Variants in CDH13 observed in about 807,000 individuals in gnomAD.
The protein encoded by CDH13 is cadherin 13.
Under a neutral mutation model 63.8 loss-of-function variants are expected in CDH13, and 24 were observed. The observed-to-expected ratio is 0.38, with a 90% CI of 0.27 to 0.53. The LOEUF (loss-of-function observed/expected upper bound fraction) is 0.53. Ranked by LOEUF, CDH13 falls within the 20% of genes least tolerant of loss-of-function variation. The pLI is 0.85. For synonymous variants in CDH13, 503 were observed against 355.3 expected, an observed-to-expected ratio of 1.42 and a Z score of -4.67; for missense variants, 1,049 against 903.1, an observed-to-expected ratio of 1.16 and a Z score of -2.07.
intron 4 of CDH13, among the ~76,000 whole-genome samples, chr16:83,202,768 T>C (rs1035503990): frequency 1.3e-5 from 2 of 152,218 alleles, no homozygotes; most frequent in Non-Finnish European, 2.9e-5. Flanking sequence ...AGGTTCATAA[T>C]GCTGATTTTA....
At chr16:83,414,626 A>G (rs572747103) in intron 6 of CDH13, among the ~76,000 whole-genome samples, 28 of 152,222 alleles carry the variant, frequency 1.8e-4, no homozygotes, top group Non-Finnish European at 4.1e-4. Context: ...GGTTTGGGTT[A>G]TATGACTATT....
At chr16:83,203,901 A>AAACCCTTC (rs2039106461) in intron 4 of CDH13, among the ~76,000 whole-genome samples, 1 of 152,052 alleles carries the variant, frequency 6.6e-6, no homozygotes, top group Non-Finnish European at 1.5e-5. Context: ...GAATGCACAC[A>AAACCCTTC]AAACCCTTCA....
chr16:82,716,624 C>A (rs1268891698), intron 1 of CDH13, among the ~76,000 whole-genome samples: 1 of 148,750 alleles, frequency 6.7e-6, no homozygotes, highest in Non-Finnish European at 1.5e-5. Context: ...TAAGCAGACA[C>A]CCAGCTGGCA....
intron 2 of CDH13, among the ~76,000 whole-genome samples, chr16:82,926,979 ATC>A (rs2042323825): frequency 1.3e-5 from 2 of 151,834 alleles, no homozygotes; most frequent in African/African-American, 2.4e-5. Flanking sequence ...GGGACTATTC[ATC>A]TCTGTTTTTC....
chr16:83,150,898 C>G (rs1343862417), intron 4 of CDH13, among the ~76,000 whole-genome samples: 2 of 152,156 alleles, frequency 1.3e-5, no homozygotes, highest in African/African-American at 2.4e-5. Flanking sequence ...CATTGTAGCA[C>G]TTAGATGTGT....
intron 10 of CDH13, among the ~76,000 whole-genome samples, chr16:83,718,083 A>G (rs555901929): frequency 3.5e-4 from 54 of 152,348 alleles, no homozygotes; most frequent in Non-Finnish European, 4.9e-4. Context: ...GCAGATGCTG[A>G]GACAAGGGTT....
chr16:83,544,249 A>G (rs549934138), intron 7 of CDH13, among the ~76,000 whole-genome samples: 1 of 152,246 alleles, frequency 6.6e-6, no homozygotes, highest in African/African-American at 2.4e-5. Flanking sequence ...TGGAGTGTTA[A>G]AGTCCTAAAT....
At chr16:83,756,733 A>G (rs1913539429) in intron 11 of CDH13, among the ~76,000 whole-genome samples, 1 of 152,228 alleles carries the variant, frequency 6.6e-6, no homozygotes, top group African/African-American at 2.4e-5. Flanking sequence ...AGGTATCAAA[A>G]AGAAGGACAT....
chr16:83,406,400 C>T (rs951852618), intron 6 of CDH13, among the ~76,000 whole-genome samples: 2 of 151,492 alleles, frequency 1.3e-5, no homozygotes, highest in Non-Finnish European at 2.9e-5. Flanking sequence ...TAGAATGGAA[C>T]CCCAGCTCTC....
chr16:83,389,450 A>G (rs1025422791), intron 6 of CDH13, among the ~76,000 whole-genome samples: 3 of 152,168 alleles, frequency 2.0e-5, no homozygotes, highest in Admixed American at 6.5e-5. Flanking sequence ...TTTACAGTGA[A>G]TTGTTCTGTC....
chr16:82,990,143 C>T (rs942228007), intron 2 of CDH13: 31 of 152,284 alleles, frequency 2.0e-4, no homozygotes, highest in African/African-American at 7.0e-4. Context: ...TGTGTTCCAA[C>T]CCCAATCTGT....
At position 83,074,744 on chromosome 16, in the gene CDH13, G is replaced by T. The variant is rs568417197; in HGVS notation, c.366+42526G>T. 2.1e-4 allele frequency among the ~76,000 whole-genome samples: 32 copies of T among 152,268 alleles called. No homozygotes were observed. The South Asian group carries it at 5.8e-3, about 28-fold the overall frequency. ...CCATCGTCTCACACAGTCCTCACTG[G>T]TGCTATTACCAGCTCCATTTGCAGA... On this transcript the variant is annotated intron_variant, in intron 3 of 13. Coordinates refer to ENST00000567109, the MANE Select transcript of CDH13 (RefSeq NM_001257.5).
At chr16:83,033,051 T>C (rs767132078) in intron 3 of CDH13, among the ~76,000 whole-genome samples, 2 of 152,220 alleles carry the variant, frequency 1.3e-5, no homozygotes, top group Non-Finnish European at 2.9e-5. Context: ...TGTACATGTA[T>C]GTGTATACCA....
Position 83,486,603 on chromosome 16 carries a change from C to A in CDH13, c.908C>A (p.Pro303His). 1 of 1,613,916 alleles carries A rather than the reference C, an allele frequency of 6.2e-7. No individual in the cohort carries two copies. The highest frequency in any genetic ancestry group is 8.5e-7 in the Non-Finnish European group (1 of 1,179,834). ...TCTCCCAACATGTTCTACATCGATCCTGAGAAAGGAGACATTGTCACTGTT... is the reference window on the plus strand; with the variant it reads ...TCTCCCAACATGTTCTACATCGATCATGAGAAAGGAGACATTGTCACTGTT... The part of the protein sequence containing the change: ...KPSPNMFYID[P>H]EKGDIVTVVS... The change falls in exon 7 of 14, where the codon CCT (proline) becomes CAT (histidine). Residue 303 changes from proline to histidine, a missense_variant. Coordinates refer to ENST00000567109, the MANE Select transcript of CDH13 (RefSeq NM_001257.5).
chr16:82,935,298 G>C (rs996420712), intron 2 of CDH13, among the ~76,000 whole-genome samples: 5 of 152,168 alleles, frequency 3.3e-5, no homozygotes, highest in Admixed American at 2.6e-4. Flanking sequence ...AGAACAGCAT[G>C]AGGGGAAGGC....
At chr16:83,444,043 T>G (rs936902580) in intron 6 of CDH13, among the ~76,000 whole-genome samples, 28 of 150,696 alleles carry the variant, frequency 1.9e-4, no homozygotes, top group African/African-American at 6.8e-4. Context: ...ATGGTGATGA[T>G]GATGGGCTGA....
At chr16:83,671,409 C>T (rs576236975) in intron 9 of CDH13, among the ~76,000 whole-genome samples, 7 of 152,078 alleles carry the variant, frequency 4.6e-5, no homozygotes, top group Admixed American at 3.9e-4. Context: ...CCACCATGTC[C>T]GGCCAGTTTT....
chr16:83,162,812 C>G (rs748656932), intron 4 of CDH13, among the ~76,000 whole-genome samples: 1 of 152,122 alleles, frequency 6.6e-6, no homozygotes, highest in Non-Finnish European at 1.5e-5. Context: ...CAGAGACAGT[C>G]TGTAGGCCAC....
intron 8 of CDH13, among the ~76,000 whole-genome samples, chr16:83,627,435 C>T (rs1288046556): frequency 6.6e-6 from 1 of 152,244 alleles, no homozygotes; most frequent in East Asian, 1.9e-4. Flanking sequence ...CAACTCCAGG[C>T]ATTAGCTACA....
Sources: allele counts gnomAD v4.1 joint callset (sites outside exome capture counted in the v4.1 genomes callset), GRCh38; gene constraint gnomAD v4.1.1; transcripts MANE v1.5; gene names NCBI Gene and HGNC (gene_info 2026-07-23, HGNC 2026-07-21).